PKHD1: variants seen among roughly 807,000 people sequenced by gnomAD.
The protein encoded by PKHD1 is PKHD1 ciliary IPT domain containing fibrocystin/polyductin.
PKHD1 carries 291 observed loss-of-function variants against 412.0 expected under a neutral mutation model. That is an observed-to-expected ratio of 0.71 (90% confidence interval 0.64 to 0.78). PKHD1 has a LOEUF of 0.78. Among genes scored for constraint, PKHD1 ranks in the 30% least tolerant of loss-of-function variants. The pLI is 0.00. For missense variants in PKHD1, 4,825 were observed against 4,950.7 expected, an observed-to-expected ratio of 0.97 and a Z score of 0.76; for synonymous variants, 1,777 against 1,821.5, an observed-to-expected ratio of 0.98 and a Z score of 0.62.
chr6:52,073,049 C>T (rs900103424), intron 7 of PKHD1, among the ~76,000 whole-genome samples: 1 of 152,202 alleles, frequency 6.6e-6, no homozygotes, highest in African/African-American at 2.4e-5. Flanking sequence ...ATGTTTTCCT[C>T]TGACCCCACT....
chr6:52,059,814 C>T (rs1309705057), intron 15 of PKHD1, 114 bp downstream of exon 15: 1 of 708,640 alleles, frequency 1.4e-6, no homozygotes, highest in African/African-American at 1.7e-5. Flanking sequence ...TCCTGATCAT[C>T]CAATGGCATG....
chr6:51,954,927 C>G (rs1343881415), intron 36 of PKHD1, among the ~76,000 whole-genome samples: 1 of 152,008 alleles, frequency 6.6e-6, no homozygotes, highest in African/African-American at 2.4e-5. Flanking sequence ...TCCCCAACTA[C>G]AGACCACAAC....
At chr6:51,724,830 A>T (rs1422697095) in intron 60 of PKHD1, among the ~76,000 whole-genome samples, 1 of 152,242 alleles carries the variant, frequency 6.6e-6, no homozygotes, top group East Asian at 1.9e-4. Context: ...ATTTGACTAC[A>T]GTAAACGAGA....
intron 60 of PKHD1, among the ~76,000 whole-genome samples, chr6:51,731,059 T>C (rs1187265743): frequency 6.6e-6 from 1 of 152,106 alleles, no homozygotes; most frequent in East Asian, 1.9e-4. Context: ...TAGCTGGTAT[T>C]ATAGGTGTGC....
chr6:51,844,694 C>A (rs1770849374), intron 50 of PKHD1, among the ~76,000 whole-genome samples: 1 of 152,228 alleles, frequency 6.6e-6, no homozygotes, highest in South Asian at 2.1e-4. Context: ...ACTTCCTATC[C>A]TGGGGGAAGT....
intron 53 of PKHD1, among the ~76,000 whole-genome samples, chr6:51,785,184 T>G (rs965558649): frequency 1.3e-5 from 2 of 152,124 alleles, no homozygotes; most frequent in East Asian, 3.9e-4. Flanking sequence ...AAGGGACAAA[T>G]CTACAAAGGA....
chr6:51,994,415 G>C (rs1021229796), intron 35 of PKHD1, among the ~76,000 whole-genome samples: 4 of 152,180 alleles, frequency 2.6e-5, no homozygotes. Context: ...GGTTACAGGC[G>C]TGAGCCACCA....
chr6:51,727,939 C>T (rs1051119455), intron 60 of PKHD1, among the ~76,000 whole-genome samples: 1 of 152,172 alleles, frequency 6.6e-6, no homozygotes. Context: ...TACTCTATGC[C>T]TGTCTAACAA....
chr6:51,746,737 G>A lies in PKHD1; in HGVS notation c.9982C>T (p.Pro3328Ser). The A allele has an allele frequency of 1.2e-6, 2 of 1,606,482 alleles. No homozygotes were observed. The highest frequency in any genetic ancestry group is 2.2e-5 in the South Asian group (2 of 90,900). ...AAATTATACCTGGGTTGTAATGAAG[G>A]AAAGTAGAACTTGTTTTTATCTTTT... ...KIKDKNKFYFPSLQPRKDLGK... is the reference protein window; with the variant it reads ...KIKDKNKFYFSSLQPRKDLGK... The change falls in exon 59 of 67, where the codon CCT becomes TCT. Residue 3328 changes from proline to serine, a missense_variant. Pro to Ser is a moderately conservative substitution (Grantham distance 74). Coordinates refer to ENST00000371117, the MANE Select transcript of PKHD1 (RefSeq NM_138694.4).
intron 37 of PKHD1, among the ~76,000 whole-genome samples, chr6:51,923,528 A>AC (rs946780248): frequency 1.5e-4 from 22 of 151,540 alleles, no homozygotes; most frequent in Admixed American, 5.9e-4. Context: ...GAAAAAAAAA[A>AC]AACAATAAAA....
chr6:52,069,380 G>A lies in PKHD1; in HGVS notation c.778+77C>T, dbSNP rs530918354. On this transcript the variant is annotated intron_variant, in intron 11 of 66. Coordinates refer to ENST00000371117, the MANE Select transcript of PKHD1 (RefSeq NM_138694.4). The stretch of plus-strand genomic sequence containing the variant: ...CGGGTGTTAATGGTCATCAAGAAAT[G>A]GCCAAAAGATAGGGAAGGAGGGGCC... The A allele has an allele frequency of 7.7e-6, 8 of 1,035,362 alleles. No individual in the cohort carries two copies. The South Asian group carries it at 8.8e-5, about 11-fold the overall frequency. 64.1% of individuals were successfully genotyped at this position (1,035,362 alleles called of 1,614,324 possible).
intron 35 of PKHD1, among the ~76,000 whole-genome samples, chr6:51,960,352 C>CT (rs914492991): frequency 2.7e-4 from 41 of 152,028 alleles, no homozygotes; most frequent in Admixed American, 2.1e-3. Flanking sequence ...GTTTTCTTGC[C>CT]TTTTTTTTCC....
intron 22 of PKHD1, among the ~76,000 whole-genome samples, chr6:52,049,469 T>TATATATCCCTACACCCAC: frequency 6.6e-6 from 1 of 152,102 alleles, no homozygotes; most frequent in Non-Finnish European, 1.5e-5. Flanking sequence ...ACTGTGAATA[T>TATATATCCCTACACCCAC]ATATATCCCT....
Position 51,867,802 on chromosome 6 carries a change from C to A in PKHD1, c.7733+61G>T, listed in dbSNP as rs114902024. 8.8e-4 allele frequency: 1,311 copies of A among 1,489,690 alleles called. 16 individuals are homozygous for A. The African/African-American group carries it at 0.017, about 19-fold the overall frequency. 92.3% of individuals were successfully genotyped at this position (1,489,690 alleles called of 1,614,324 possible). On this transcript the variant is annotated intron_variant, in intron 48 of 66. Transcript: ENST00000371117. The stretch of plus-strand genomic sequence containing the variant: ...ACAATTTCCCTTCTATAAGCCTCGA[C>A]AGCCAGAATAACAGATGCATGCCCA...
chr6:51,923,205 GA>G (rs1026000870), intron 37 of PKHD1, among the ~76,000 whole-genome samples: 1 of 151,430 alleles, frequency 6.6e-6, no homozygotes, highest in Non-Finnish European at 1.5e-5. Flanking sequence ...CTATTCATTT[GA>G]AAAAAAATAG....
rs758443977 is a variant in PKHD1, at chr6:51,659,359, C to A, written c.10767G>T (p.Gln3589His). 5 of 1,613,822 alleles carry A rather than the reference C, an allele frequency of 3.1e-6. No homozygotes were observed. In the Middle Eastern group the frequency reaches 8.2e-4, roughly 266 times the overall value. The part of the protein sequence containing the change: ...VILERLTNFL[Q>H]IGQNQIRFIH... The stretch of plus-strand genomic sequence containing the variant: ...TAAACCTGATTTGGTTTTGGCCAAT[C>A]TGTAAGAAGTTAGTTAGTCTTTCGA... The change falls in exon 61 of 67, where the codon CAG becomes CAT. Residue 3589 changes from glutamine (Q) to histidine (H), a missense_variant. Gln to His is a conservative substitution (Grantham distance 24, BLOSUM62 0). Transcript: ENST00000371117.
At chr6:52,028,639 G>A (rs1802586702) in intron 29 of PKHD1, among the ~76,000 whole-genome samples, 1 of 151,560 alleles carries the variant, frequency 6.6e-6, no homozygotes, top group African/African-American at 2.4e-5. Context: ...AGCCTCCCAA[G>A]CAGCTGGGAT....
chr6:51,662,634 A>C (rs1489801795), intron 60 of PKHD1, among the ~76,000 whole-genome samples: 1 of 151,870 alleles, frequency 6.6e-6, no homozygotes. Context: ...ACAAAATAAA[A>C]CAATAGAGAA....
intron 60 of PKHD1, among the ~76,000 whole-genome samples, chr6:51,739,532 AT>A (rs1168160552): frequency 6.6e-6 from 1 of 152,110 alleles, no homozygotes; most frequent in East Asian, 1.9e-4. Context: ...ATCCCAGAAT[AT>A]TTTTTATTTG....
Sources: allele counts gnomAD v4.1 joint callset (sites outside exome capture counted in the v4.1 genomes callset), GRCh38; gene constraint gnomAD v4.1.1; transcripts MANE v1.5; gene names NCBI Gene and HGNC (gene_info 2026-07-23, HGNC 2026-07-21).